Variants in EEPD1 observed in about 807,000 individuals in gnomAD.
EEPD1 encodes the protein endonuclease/exonuclease/phosphatase family domain-containing protein 1.
Under a neutral mutation model 46.3 loss-of-function variants are expected in EEPD1, and 17 were observed. The ratio of observed to expected loss-of-function variants is 0.37; its 90% confidence interval spans 0.25 to 0.55. The LOEUF (loss-of-function observed/expected upper bound fraction) is 0.55. EEPD1 is among the 20% of genes least tolerant of loss of function. The pLI is 0.83. For synonymous variants in EEPD1, 313 were observed against 315.6 expected (o/e 0.99, Z 0.09); for missense variants, 673 against 745.6 (o/e 0.90, Z 1.13).
chr7:36,230,092 A>G (rs1468703055), intron 2 of EEPD1, among the ~76,000 whole-genome samples: 2 of 152,058 alleles, frequency 1.3e-5, no homozygotes, highest in Non-Finnish European at 2.9e-5. Flanking sequence ...CAGTTTCACA[A>G]GGTGGAAACT....
chr7:36,273,030 C>T (rs964376167), intron 3 of EEPD1, among the ~76,000 whole-genome samples: 8 of 152,266 alleles, frequency 5.3e-5, no homozygotes, highest in Middle Eastern at 3.4e-3. Flanking sequence ...TCATCAGGGC[C>T]TATGTGACCC....
intron 3 of EEPD1, among the ~76,000 whole-genome samples, chr7:36,263,843 T>G (rs1434154326): frequency 6.6e-6 from 1 of 152,238 alleles, no homozygotes; most frequent in Non-Finnish European, 1.5e-5. Flanking sequence ...TCGATTGTTT[T>G]GTTTCTCTTG....
chr7:36,239,547 C>G (rs1445005788), intron 3 of EEPD1, among the ~76,000 whole-genome samples: 1 of 152,172 alleles, frequency 6.6e-6, no homozygotes, highest in Non-Finnish European at 1.5e-5. Context: ...TAGTCAAGTT[C>G]ATGCGTTTTT....
chr7:36,207,611 AAGGGTTCC>A (rs1785844773), intron 2 of EEPD1, among the ~76,000 whole-genome samples: 1 of 152,186 alleles, frequency 6.6e-6, no homozygotes, highest in African/African-American at 2.4e-5. Flanking sequence ...TAAGCGTGGG[AAGGGTTCC>A]AGCCCTAGAA....
At chr7:36,180,157 A>G (rs894256757) in intron 2 of EEPD1, among the ~76,000 whole-genome samples, 1 of 152,224 alleles carries the variant, frequency 6.6e-6, no homozygotes, top group Non-Finnish European at 1.5e-5. Context: ...TAAAGGAATT[A>G]GGTAATTGGC....
intron 2 of EEPD1, among the ~76,000 whole-genome samples, chr7:36,192,790 C>A (rs962776123): frequency 6.6e-6 from 1 of 152,194 alleles, no homozygotes; most frequent in Admixed American, 6.5e-5. Flanking sequence ...TTCGTGAATG[C>A]GGTTAGAGAC....
chr7:36,273,924 G>A (rs1787148387), intron 3 of EEPD1, among the ~76,000 whole-genome samples: 1 of 152,198 alleles, frequency 6.6e-6, no homozygotes, highest in Non-Finnish European at 1.5e-5. Flanking sequence ...GAGCCTTTAA[G>A]TGACCCGGGG....
At chr7:36,205,621 G>T (rs1221816355) in intron 2 of EEPD1, among the ~76,000 whole-genome samples, 2 of 152,220 alleles carry the variant, frequency 1.3e-5, no homozygotes, top group African/African-American at 2.4e-5. Flanking sequence ...GCTAAGTGAT[G>T]ATCTGGAAAA....
At chr7:36,283,018 T>C (rs1247229760) in intron 4 of EEPD1, among the ~76,000 whole-genome samples, 1 of 148,836 alleles carries the variant, frequency 6.7e-6, no homozygotes, top group African/African-American at 2.4e-5. Context: ...ATGCCTGAAA[T>C]TCTGCCCCAG....
intron 2 of EEPD1, among the ~76,000 whole-genome samples, chr7:36,168,000 G>C (rs887987942): frequency 6.6e-6 from 1 of 152,162 alleles, no homozygotes; most frequent in African/African-American, 2.4e-5. Context: ...GCCAACCCAA[G>C]TGGGGCTTTC....
At chr7:36,198,342 G>GAAAAAAAAAAAAAAAAAA in intron 2 of EEPD1, among the ~76,000 whole-genome samples, 130 of 32,922 alleles carry the variant, frequency 3.9e-3, no homozygotes, top group African/African-American at 4.9e-3. Flanking sequence ...AAAAAGAAAA[G>GAAAAAAAAAAAAAAAAAA]AAAAAAAAAA....
intron 3 of EEPD1, among the ~76,000 whole-genome samples, chr7:36,251,388 A>G (rs1417162992): frequency 6.6e-6 from 1 of 152,024 alleles, no homozygotes; most frequent in Non-Finnish European, 1.5e-5. Context: ...TCGGCTCACC[A>G]CAACCTCCGC....
At chr7:36,212,874 C>T (rs887841281) in intron 2 of EEPD1, among the ~76,000 whole-genome samples, 3 of 152,016 alleles carry the variant, frequency 2.0e-5, no homozygotes, top group Admixed American at 6.6e-5. Context: ...TGGCTGTGGC[C>T]GGGTGAGGTG....
intron 3 of EEPD1, among the ~76,000 whole-genome samples, chr7:36,251,377 C>T (rs547547382): frequency 1.2e-4 from 18 of 152,308 alleles, no homozygotes; most frequent in African/African-American, 4.3e-4. Context: ...ATGGCACAAT[C>T]TCGGCTCACC....
At chr7:36,245,615 T>A (rs2115798103) in intron 3 of EEPD1, among the ~76,000 whole-genome samples, 1 of 152,328 alleles carries the variant, frequency 6.6e-6, no homozygotes, top group Admixed American at 6.5e-5. Context: ...CCCAGACTAG[T>A]AAAAGTGACT....
chr7:36,235,617 G>A (rs1786418723), intron 2 of EEPD1, among the ~76,000 whole-genome samples: 1 of 152,276 alleles, frequency 6.6e-6, no homozygotes, highest in African/African-American at 2.4e-5. Context: ...TAGCAATCAT[G>A]GATCCTTGGT....
At chr7:36,283,700 A>G (rs196588) in intron 4 of EEPD1, among the ~76,000 whole-genome samples, 11,240 of 152,242 alleles carry the variant, frequency 0.074, 575 homozygotes, top group Non-Finnish European at 0.11. Flanking sequence ...CATACAATAC[A>G]TTCATTCCCT....
chr7:36,223,740 G>A (rs1786186023), intron 2 of EEPD1, among the ~76,000 whole-genome samples: 1 of 152,190 alleles, frequency 6.6e-6, no homozygotes, highest in Non-Finnish European at 1.5e-5. Context: ...GTATCCCAAA[G>A]CCAAGGGTCA....
rs531026368 is a variant in EEPD1 at position 36,158,730 on chromosome 7, C to G, written c.878+3528C>G. Among the ~76,000 whole-genome samples, 3 of 152,256 alleles carry G rather than the reference C, an allele frequency of 2.0e-5. No individual in the cohort carries two copies. In the South Asian group the frequency reaches 6.2e-4, roughly 32 times the overall value. ...TGGAACAAGATTAAAGGGGAATGTT[C>G]CTGCTAAATATGCTTGCAAAATTTG... On this transcript the variant is annotated intron_variant, in intron 2 of 7. Coordinates refer to ENST00000242108, the MANE Select transcript of EEPD1 (RefSeq NM_030636.3).
Sources: gnomAD v4.1 joint callset for allele counts (sites outside exome capture counted in the v4.1 genomes callset) on GRCh38, gnomAD v4.1.1 for gene constraint, MANE v1.5 for transcripts, NCBI Gene and HGNC (gene_info 2026-07-23, HGNC 2026-07-21) for gene names.